The following SLC25A13 variants were observed in gnomAD, a reference collection of about 807,000 sequenced individuals.
The protein encoded by SLC25A13 is electrogenic aspartate/glutamate antiporter SLC25A13, mitochondrial.
A neutral mutation model predicts 85.5 loss-of-function variants in SLC25A13; 70 were observed. That is an observed-to-expected ratio of 0.82 (90% CI 0.68 to 1.00). The LOEUF (loss-of-function observed/expected upper bound fraction) is 1.00, where lower values mean the gene tolerates loss of function less well. Ranked by LOEUF, SLC25A13 falls within the 50% of genes least tolerant of loss-of-function variation. The pLI is 0.00. For synonymous variants in SLC25A13, 259 were observed against 288.7 expected (o/e 0.90, Z 1.04); for missense variants, 765 against 819.8 (o/e 0.93, Z 0.82).
At chr7:96,319,358 G>T (rs1800248148) in intron 1 of SLC25A13, among the ~76,000 whole-genome samples, 1 of 151,880 alleles carries the variant, frequency 6.6e-6, no homozygotes, top group Non-Finnish European at 1.5e-5. Context: ...GACCAGCCTG[G>T]CCAACATGAT....
At chr7:96,185,365 A>G (rs1794593550) in intron 9 of SLC25A13, among the ~76,000 whole-genome samples, 1 of 152,140 alleles carries the variant, frequency 6.6e-6, no homozygotes, top group Admixed American at 6.5e-5. Context: ...TGGGAGGCTG[A>G]GGCGGGCGGA....
rs150021522 is a variant in SLC25A13, at chr7:96,171,472, T to G, written c.1230A>C (p.Thr410=). ...AGAAGCACCAACTCAAAAGACTTAC[T>G]GTAAGTTTTATGGCCTTCTCTGGGG... ...GVAPEKAIKL[T]VNDFVRDKFM... The change falls in exon 12 of 18, where the codon ACA becomes ACC. Residue 410 remains threonine, a splice_region_variant and synonymous_variant. Transcript: ENST00000265631. 401 of 1,612,830 alleles carry G rather than the reference T, an allele frequency of 2.5e-4. No individual in the cohort carries two copies. Among genetic ancestry groups the G allele is most frequent in the Middle Eastern group, 3.3e-4 (2 of 6,082 alleles).
At chr7:96,307,100 T>C (rs1799773890) in intron 1 of SLC25A13, among the ~76,000 whole-genome samples, 1 of 151,478 alleles carries the variant, frequency 6.6e-6, no homozygotes, top group East Asian at 1.9e-4. Context: ...GTGTTTTTTA[T>C]TCCTGTGGGG....
At chr7:96,209,045 T>G in intron 4 of SLC25A13, 68 bp from the exon 5 acceptor site, 1 of 1,476,816 alleles carries the variant, frequency 6.8e-7, no homozygotes, top group Admixed American at 1.7e-5. Context: ...AATCTGTTAT[T>G]GAATGGATAT....
chr7:96,301,027 AG>A (rs1045755641), intron 1 of SLC25A13, among the ~76,000 whole-genome samples: 26 of 152,230 alleles, frequency 1.7e-4, no homozygotes, highest in Non-Finnish European at 3.5e-4. Flanking sequence ...GAGATGTACC[AG>A]TTTTTTAAAG....
intron 2 of SLC25A13, among the ~76,000 whole-genome samples, chr7:96,287,560 T>C (rs995439806): frequency 6.6e-6 from 1 of 152,248 alleles, no homozygotes; most frequent in Non-Finnish European, 1.5e-5. Context: ...AGTATAGTCC[T>C]GCTGGCTGCT....
At chr7:96,176,391 A>T (rs768172) in intron 11 of SLC25A13, among the ~76,000 whole-genome samples, 70,205 of 152,060 alleles carry the variant, frequency 0.46, 17,405 homozygotes, top group African/African-American at 0.65. Flanking sequence ...CTGCCTCAAA[A>T]GAAATTTATT....
chr7:96,193,153 AG>A lies in SLC25A13; in HGVS notation c.498del (p.Phe167LeufsTer29). 6.2e-7 allele frequency: 1 copy of A among 1,614,168 alleles called. No homozygotes were observed. Among genetic ancestry groups the A allele is most frequent in the Non-Finnish European group, 8.5e-7 (1 of 1,180,016 alleles). On this transcript the variant is annotated frameshift_variant, in exon 6 of 18. Coordinates refer to ENST00000265631, the MANE Select transcript of SLC25A13 (RefSeq NM_014251.3). LOFTEE classifies it high-confidence loss of function. ...LEIQLEHAKQ[A>X]FVQRDNARTG... ...GTCCTAGCATTGTCCCGTTGCACAA[AG>A]GCTTGCTTTGCGTGCTCCAGTTGTA... is the stretch of plus-strand genomic sequence containing the variant.
At chr7:96,291,276 A>G (rs1051441034) in intron 2 of SLC25A13, among the ~76,000 whole-genome samples, 1 of 152,224 alleles carries the variant, frequency 6.6e-6, no homozygotes, top group Non-Finnish European at 1.5e-5. Flanking sequence ...ACACATTTAA[A>G]GCAGTGTGTA....
At chr7:96,201,546 T>C (rs73710220) in intron 5 of SLC25A13, among the ~76,000 whole-genome samples, 2,433 of 151,602 alleles carry the variant, frequency 0.016, 56 homozygotes, top group African/African-American at 0.056. Flanking sequence ...TCTAGATACT[T>C]TCACTAATAC....
chr7:96,298,144 T>C (rs891945915), intron 1 of SLC25A13, among the ~76,000 whole-genome samples: 2 of 152,196 alleles, frequency 1.3e-5, no homozygotes, highest in African/African-American at 4.8e-5. Flanking sequence ...ACTGGACCCA[T>C]GTTGCTATCC....
chr7:96,183,248 C>T (rs1376646522), intron 11 of SLC25A13, among the ~76,000 whole-genome samples: 4 of 152,148 alleles, frequency 2.6e-5, no homozygotes, highest in African/African-American at 9.7e-5. Context: ...GAGTTTGAGA[C>T]TTTCTGGCTT....
At chr7:96,208,339 C>T (rs1192372996) in intron 5 of SLC25A13, among the ~76,000 whole-genome samples, 3 of 152,020 alleles carry the variant, frequency 2.0e-5, no homozygotes, top group Non-Finnish European at 4.4e-5. Flanking sequence ...ATGATTTCAA[C>T]ATATTAATAA....
intron 3 of SLC25A13, among the ~76,000 whole-genome samples, chr7:96,275,433 C>A (rs1451676023): frequency 6.6e-6 from 1 of 152,136 alleles, no homozygotes; most frequent in Non-Finnish European, 1.5e-5. Flanking sequence ...GACACATGCA[C>A]ACGTATGTTT....
chr7:96,250,545 G>A (rs1372296830), intron 3 of SLC25A13, among the ~76,000 whole-genome samples: 1 of 152,180 alleles, frequency 6.6e-6, no homozygotes, highest in Non-Finnish European at 1.5e-5. Context: ...GGATGCTGAA[G>A]AATGGGGCAG....
At chr7:96,275,060 C>T (rs1584547855) in intron 3 of SLC25A13, among the ~76,000 whole-genome samples, 3 of 152,098 alleles carry the variant, frequency 2.0e-5, no homozygotes, top group African/African-American at 7.2e-5. Flanking sequence ...TCATTGGTAG[C>T]TTGATGGGGA....
chr7:96,174,570 AT>A (rs1180659697), intron 11 of SLC25A13, among the ~76,000 whole-genome samples: 2 of 152,238 alleles, frequency 1.3e-5, no homozygotes, highest in Non-Finnish European at 2.9e-5. Flanking sequence ...AAGTAACAAA[AT>A]GCTTAGTTAA....
In SLC25A13 at chr7:96,156,944, T is replaced by A. The variant is rs570277113; in HGVS notation, c.1312-10248A>T. On this transcript the variant is annotated intron_variant, in intron 13 of 17. Transcript: ENST00000265631. Reference sequence around the variant, plus strand: ...TAATTATACTGATGTAGGTTTTGTCTAAATATAGCATAGTCATTTCAAGAT... The same window carrying A: ...TAATTATACTGATGTAGGTTTTGTCAAAATATAGCATAGTCATTTCAAGAT... 1.9e-4 allele frequency among the ~76,000 whole-genome samples: 29 copies of A among 152,336 alleles called. 1 individual carries two copies. Among genetic ancestry groups the A allele is most frequent in the African/African-American group, 6.5e-4 (27 of 41,588 alleles).
intron 3 of SLC25A13, among the ~76,000 whole-genome samples, chr7:96,258,916 C>T (rs1160721904): frequency 6.6e-6 from 1 of 152,142 alleles, no homozygotes; most frequent in Non-Finnish European, 1.5e-5. Flanking sequence ...CACCACACAT[C>T]TACAACCATC....
Sources: allele counts gnomAD v4.1 joint callset (sites outside exome capture counted in the v4.1 genomes callset), GRCh38; gene constraint gnomAD v4.1.1; transcripts MANE v1.5; gene names NCBI Gene and HGNC (gene_info 2026-07-23, HGNC 2026-07-21).